Variants in MTRF1L observed in about 807,000 individuals in gnomAD.
MTRF1L encodes the protein mitochondrial translation release factor 1 like.
In MTRF1L, 29 loss-of-function variants were observed where a neutral mutation model predicts 40.0. That is an observed-to-expected ratio of 0.73 (90% CI 0.54 to 0.99). MTRF1L has a LOEUF of 0.99. MTRF1L is among the 50% of genes least tolerant of loss of function. The pLI is 0.00. For synonymous variants in MTRF1L, 150 were observed against 175.8 expected (o/e 0.85, Z 1.16); for missense variants, 412 against 464.5 (o/e 0.89, Z 1.04).
intron 4 of MTRF1L, 80 bp downstream of exon 4, chr6:152,994,433 C>T: frequency 7.2e-7 from 1 of 1,387,526 alleles, no homozygotes. Context: ...ATACTCAATT[C>T]AGTAAACTCT....
chr6:152,987,518 A>C lies in MTRF1L; in HGVS notation c.*2377T>G, dbSNP rs931242930. The C allele has an allele frequency of 6.6e-6, 1 of 152,232 alleles. No homozygotes were observed. The highest frequency in any genetic ancestry group is 1.5e-5 in the Non-Finnish European group (1 of 68,056). The allele number at this position is 152,232 out of a possible 1,614,324, so 9.4% of individuals were successfully genotyped here. On this transcript the variant is annotated 3_prime_UTR_variant, in exon 7 of 7. Coordinates refer to ENST00000367233, the MANE Select transcript of MTRF1L (RefSeq NM_019041.7). ...TAACCAGAATTAGACAGCAAATCGG[A>C]TGCAGGGGAGAAGTCAGGTGACTAT... is the stretch of plus-strand genomic sequence containing the variant.
intron 2 of MTRF1L, among the ~76,000 whole-genome samples, chr6:152,998,064 T>G (rs1014736782): frequency 1.1e-4 from 16 of 151,086 alleles, no homozygotes; most frequent in African/African-American, 3.9e-4. Flanking sequence ...AGTTTATATA[T>G]ATATTTTTTT....
At position 152,995,326 on chromosome 6, in the gene MTRF1L, A is replaced by T; in HGVS notation, c.340-7T>A. 1.3e-6 allele frequency: 2 copies of T among 1,561,942 alleles called. No homozygotes were observed. The highest frequency in any genetic ancestry group is 1.7e-6 in the Non-Finnish European group (2 of 1,154,508). On this transcript the variant is annotated splice_region_variant and splice_polypyrimidine_tract_variant and intron_variant, in intron 2 of 6. Coordinates refer to ENST00000367233, the MANE Select transcript of MTRF1L (RefSeq NM_019041.7). ...GAACCAAAAGTAAGATAATCTGTAAATATAAAAATATCACCCCTCCTATAA... is the reference window on the plus strand; with the variant it reads ...GAACCAAAAGTAAGATAATCTGTAATTATAAAAATATCACCCCTCCTATAA...
Position 153,002,674 on chromosome 6 carries a change from C to G in MTRF1L, c.12G>C (p.Arg4=). ...GCCACCGGGCAGCGCCCCACAGAAC[C>G]CGGGACCGCATCCTTAGTCCGAGAT... MRS[R]VLWGAARWLW... is the part of the protein sequence containing the mutation. Residue 4 remains arginine, a synonymous_variant, in exon 1 of 7, where the codon CGG becomes CGC. Transcript: ENST00000367233. The G allele has an allele frequency of 1.3e-6, 2 of 1,491,058 alleles. No homozygotes were observed. The highest frequency in any genetic ancestry group is 8.9e-7 in the Non-Finnish European group (1 of 1,125,614). 92.4% of individuals were successfully genotyped at this position (1,491,058 alleles called of 1,614,324 possible). A position where few individuals can be genotyped will look rare whatever the true frequency, so the allele number is the denominator to read the frequency against.
chr6:152,999,769 TC>T lies in MTRF1L; in HGVS notation c.260-1141del, dbSNP rs35499607. ...TGCCTTCCACCATGATTGGGAGGCC[TC>T]CCCAGCCACGTGGAACTGTTAGTCT... On this transcript the variant is annotated intron_variant, in intron 1 of 6. Coordinates refer to ENST00000367233, the MANE Select transcript of MTRF1L (RefSeq NM_019041.7). Among the ~76,000 whole-genome samples, 789 of 152,338 alleles carry T rather than the reference TC, an allele frequency of 5.2e-3. 10 individuals are homozygous for T. The highest frequency in any genetic ancestry group is 0.02 in the Middle Eastern group (6 of 294).
In MTRF1L at chr6:152,991,118, TAAAAAAAGCTGAGTTATATA is replaced by T. The variant is rs570343673; in HGVS notation, c.942+47_942+66del. The T allele has an allele frequency of 1.6e-4, 176 of 1,133,064 alleles. No individual in the cohort carries two copies. The African/African-American group carries it at 2.4e-3, about 15-fold the overall frequency. The allele number at this position is 1,133,064 out of a possible 1,614,324, so 70.2% of individuals were successfully genotyped here. A position where few individuals can be genotyped will look rare whatever the true frequency, so the allele number is the denominator to read the frequency against. ...ACAAATATATAAAAACCAAGTTATT[TAAAAAAAGCTGAGTTATATA>T]AAAATATTTCTATCCTTTAAAAGCA... is the stretch of plus-strand genomic sequence containing the variant. On this transcript the variant is annotated intron_variant, in intron 6 of 6. Transcript: ENST00000367233.
Position 152,990,064 on chromosome 6 carries a change from C to T in MTRF1L, c.974G>A (p.Arg325Lys), listed in dbSNP as rs201452521. ...CCGGTTCTGTGGAAAATTATATGTT[C>T]TTATTTTCTCTGATCTTCCTTTACT... ...IGSKGRSEKI[R>K]TYNFPQNRVT... The change falls in exon 7 of 7, where the codon AGA (arginine) becomes AAA (lysine). Residue 325 changes from arginine to lysine, a missense_variant. Transcript: ENST00000367233. 37 of 1,613,782 alleles carry T rather than the reference C, an allele frequency of 2.3e-5. No individual in the cohort carries two copies. Among genetic ancestry groups the T allele is most frequent in the Non-Finnish European group, 3.1e-5 (36 of 1,179,914 alleles).
chr6:153,002,291 T>C, intron 1 of MTRF1L, 136 bp downstream of exon 1: 1 of 1,326,740 alleles, frequency 7.5e-7, no homozygotes, highest in East Asian at 2.5e-5. Context: ...CGTAATGATG[T>C]CCTGACCTCT....
intron 1 of MTRF1L, among the ~76,000 whole-genome samples, chr6:153,001,048 T>C (rs1035210516): frequency 6.6e-6 from 1 of 151,926 alleles, no homozygotes; most frequent in Non-Finnish European, 1.5e-5. Context: ...TAATTTTGCA[T>C]TGTTTGTAGA....
chr6:152,991,246 T>C lies in MTRF1L; in HGVS notation c.881A>G (p.Lys294Arg). 6.3e-7 allele frequency: 1 copy of C among 1,598,264 alleles called. No individual in the cohort carries two copies. The highest frequency in any genetic ancestry group is 8.5e-7 in the Non-Finnish European group (1 of 1,173,760). ...KELAMTKLRA[K>R]LYSMHLEEEI... ...TTCTTCTAGATGCATGCTGTACAGT[T>C]TTGCACGTAACTTTGTCATAGCCAG... The change falls in exon 6 of 7, where the codon AAA becomes AGA. Residue 294 changes from lysine (K) to arginine (R), a missense_variant. Physicochemically the swap from Lys to Arg is conservative, Grantham distance 26 (BLOSUM62 2). Transcript: ENST00000367233.
intron 1 of MTRF1L, among the ~76,000 whole-genome samples, chr6:152,998,912 C>T (rs926603691): frequency 2.0e-5 from 3 of 152,080 alleles, no homozygotes; most frequent in Non-Finnish European, 4.4e-5. Context: ...CTAAACTCTT[C>T]CATAATTTCA....
intron 5 of MTRF1L, 198 bp from the exon 6 acceptor site, chr6:152,991,519 A>G (rs1778516193): frequency 4.4e-6 from 2 of 459,666 alleles, no homozygotes; most frequent in Non-Finnish European, 7.3e-6. Context: ...AGTTTTGAGC[A>G]ATAGCACAAA....
chr6:152,992,207 G>C (rs1778546768), intron 5 of MTRF1L, among the ~76,000 whole-genome samples: 1 of 152,162 alleles, frequency 6.6e-6, no homozygotes, highest in Non-Finnish European at 1.5e-5. Context: ...AGAGATTCTT[G>C]TTTCCTTTCT....
chr6:152,992,955 G>A lies in MTRF1L; in HGVS notation c.707C>T (p.Pro236Leu), dbSNP rs533005741. The A allele has an allele frequency of 9.9e-6, 16 of 1,612,790 alleles. No individual in the cohort carries two copies. In the East Asian group the frequency reaches 1.6e-4, roughly 16 times the overall value. ...CTTAGTGTCAATTCTCAAATCTTTC[G>A]GATTAATCACCAGATTAATCTATAC... ...QPTEINLVIN[P>L]KDLRIDTKRA... Residue 236 changes from proline (P) to leucine (L), a missense_variant, in exon 5 of 7, where the codon CCG becomes CTG. Transcript: ENST00000367233.
rs1778982998 is a variant in MTRF1L at position 153,002,707 on chromosome 6, C to A, written c.-22G>T. 6.8e-7 allele frequency: 1 copy of A among 1,465,734 alleles called. No individual in the cohort carries two copies. Among genetic ancestry groups the A allele is most frequent in the Non-Finnish European group, 9.0e-7 (1 of 1,113,742 alleles). The allele number at this position is 1,465,734 out of a possible 1,614,324, so 90.8% of individuals were successfully genotyped here. ...GCATCCTTAGTCCGAGATCGCGGAC[C>A]CTGACCGGAACCGGAAGTTCCGGAC... On this transcript the variant is annotated 5_prime_UTR_variant, in exon 1 of 7. Transcript: ENST00000367233.
intron 5 of MTRF1L, among the ~76,000 whole-genome samples, chr6:152,991,607 C>T (rs997367392): frequency 1.3e-5 from 2 of 152,088 alleles, no homozygotes; most frequent in African/African-American, 2.4e-5. Flanking sequence ...AGTGCAGTGG[C>T]GCGATCTCGG....
intron 2 of MTRF1L, among the ~76,000 whole-genome samples, chr6:152,996,519 A>G (rs1480228046): frequency 6.6e-6 from 1 of 152,180 alleles, no homozygotes; most frequent in Non-Finnish European, 1.5e-5. Context: ...TTATAGGAAC[A>G]TTAATTTTTA....
chr6:152,999,532 C>T (rs1387110212), intron 1 of MTRF1L, among the ~76,000 whole-genome samples: 1 of 152,114 alleles, frequency 6.6e-6, no homozygotes, highest in Admixed American at 6.5e-5. Flanking sequence ...TTGGCTGTGT[C>T]CCCACCCAAA....
At chr6:152,999,354 CA>C (rs1455983926) in intron 1 of MTRF1L, among the ~76,000 whole-genome samples, 1 of 152,182 alleles carries the variant, frequency 6.6e-6, no homozygotes, top group Non-Finnish European at 1.5e-5. Context: ...CAAACCCTTA[CA>C]AAGCATCAGT....
Sources: gnomAD v4.1 joint callset for allele counts (sites outside exome capture counted in the v4.1 genomes callset) on GRCh38, gnomAD v4.1.1 for gene constraint, MANE v1.5 for transcripts, NCBI Gene and HGNC (gene_info 2026-07-23, HGNC 2026-07-21) for gene names.